Variants in PHF24 observed in about 807,000 individuals in gnomAD.
PHF24 encodes Galpha inhibitory interacting protein.
Under a neutral mutation model 42.6 loss-of-function variants are expected in PHF24, and 25 were observed. The observed-to-expected ratio is 0.59, with a 90% CI of 0.43 to 0.82. PHF24 has a LOEUF of 0.82. Ranked by LOEUF, PHF24 falls within the 40% of genes least tolerant of loss-of-function variation. The pLI, the probability that PHF24 is intolerant of heterozygous loss-of-function variation, is 0.00. For synonymous variants in PHF24, 185 were observed against 204.8 expected (o/e 0.90, Z 0.83); for missense variants, 470 against 538.1 (o/e 0.87, Z 1.25).
At chr9:34,947,191 T>C in the PHF24 span, among the ~76,000 whole-genome samples, 1 of 152,262 alleles carries the variant, frequency 6.6e-6, no homozygotes, top group African/African-American at 2.4e-5. Flanking sequence ...ATATGACAAG[T>C]AATTTCAACA....
At chr9:34,697,481 G>A in the PHF24 span, among the ~76,000 whole-genome samples, 3 of 152,056 alleles carry the variant, frequency 2.0e-5, no homozygotes, top group East Asian at 3.9e-4. Context: ...CATCATGCCC[G>A]GCTGACTTTT....
At chr9:34,734,904 A>C in the PHF24 span, among the ~76,000 whole-genome samples, 1 of 152,242 alleles carries the variant, frequency 6.6e-6, no homozygotes, top group Non-Finnish European at 1.5e-5. Flanking sequence ...AACCTCTGGC[A>C]AACCAGCCTC....
At chr9:34,864,206 A>G in the PHF24 span, among the ~76,000 whole-genome samples, 18 of 152,348 alleles carry the variant, frequency 1.2e-4, no homozygotes, top group African/African-American at 4.1e-4. Flanking sequence ...GAAAAGATAG[A>G]GAAAGAGATA....
chr9:34,864,544 G>A, the PHF24 span, among the ~76,000 whole-genome samples: 1 of 152,002 alleles, frequency 6.6e-6, no homozygotes, highest in Admixed American at 6.6e-5. Flanking sequence ...TAGAATAGCT[G>A]GTGAAAATAT....
chr9:34,707,008 A>T, the PHF24 span, among the ~76,000 whole-genome samples: 1 of 152,008 alleles, frequency 6.6e-6, no homozygotes, highest in African/African-American at 2.4e-5. Flanking sequence ...GTAAACTTGT[A>T]AACTTGGGGA....
the PHF24 span, chr9:34,838,273 T>TA: frequency 3.0e-6 from 2 of 672,244 alleles, no homozygotes; most frequent in South Asian, 3.3e-5. Context: ...GTGGGGTCAA[T>TA]AAGGAAGGAC....
chr9:34,813,273 A>G, the PHF24 span, among the ~76,000 whole-genome samples: 51 of 152,260 alleles, frequency 3.3e-4, no homozygotes, highest in Middle Eastern at 3.4e-3. Flanking sequence ...GTGCTGTTCA[A>G]ATTCCATGCT....
chr9:34,976,727 A>T, exon 5 of PHF24: 1 of 1,613,562 alleles, frequency 6.2e-7, no homozygotes, highest in Non-Finnish European at 8.5e-7. Flanking sequence ...CTTCTGCAGC[A>T]GTTGCGTCCC....
the PHF24 span, among the ~76,000 whole-genome samples, chr9:34,768,299 A>G: frequency 3.3e-5 from 5 of 152,362 alleles, no homozygotes; most frequent in African/African-American, 9.6e-5. Flanking sequence ...GGCCAAAACC[A>G]CAGACTACGG....
At chr9:34,875,840 C>T in the PHF24 span, among the ~76,000 whole-genome samples, 3 of 150,376 alleles carry the variant, frequency 2.0e-5, no homozygotes, top group African/African-American at 4.9e-5. Context: ...TGGGGCCTAT[C>T]GACCCAGCCT....
At chr9:34,807,621 TGAGA>T in the PHF24 span, among the ~76,000 whole-genome samples, 7 of 152,208 alleles carry the variant, frequency 4.6e-5, no homozygotes, top group African/African-American at 1.7e-4. Flanking sequence ...TAATAACCAC[TGAGA>T]GAGTCTTTAG....
chr9:34,959,776 G>A (rs1366654009), intron 1 of PHF24, among the ~76,000 whole-genome samples: 1 of 152,126 alleles, frequency 6.6e-6, no homozygotes, highest in Non-Finnish European at 1.5e-5. Flanking sequence ...GCTTTCTCTG[G>A]GGATCTAGGG....
At chr9:34,964,376 A>G (rs1826697103) in intron 1 of PHF24, among the ~76,000 whole-genome samples, 1 of 152,160 alleles carries the variant, frequency 6.6e-6, no homozygotes, top group Non-Finnish European at 1.5e-5. Context: ...AGACCCTAGA[A>G]CCACCCTCCA....
the PHF24 span, among the ~76,000 whole-genome samples, chr9:34,913,948 G>A: frequency 0.18 from 27,149 of 152,124 alleles, 2,882 homozygotes; most frequent in East Asian, 0.49. Flanking sequence ...AGATTTAGGT[G>A]TCTATTCTTA....
At chr9:34,709,534 C>G in the PHF24 span, 2 of 1,614,156 alleles carry the variant, frequency 1.2e-6, no homozygotes, top group South Asian at 2.2e-5. Flanking sequence ...CCTTTCTTGC[C>G]AGTCTTGGAG....
chr9:34,683,276 G>T, the PHF24 span, among the ~76,000 whole-genome samples: 1 of 152,344 alleles, frequency 6.6e-6, no homozygotes, highest in East Asian at 1.9e-4. Context: ...GGCCAAGCTG[G>T]TCTCGAACTC....
chr9:34,779,556 A>G, the PHF24 span, among the ~76,000 whole-genome samples: 14 of 152,178 alleles, frequency 9.2e-5, no homozygotes, highest in East Asian at 2.7e-3. Flanking sequence ...AATGGCCAAA[A>G]CAATCTTGAA....
the PHF24 span, among the ~76,000 whole-genome samples, chr9:34,888,127 C>T: frequency 6.6e-6 from 1 of 152,172 alleles, no homozygotes; most frequent in Non-Finnish European, 1.5e-5. Context: ...TCCCTACCTC[C>T]TTCCCAACTA....
upstream of PHF24, among the ~76,000 whole-genome samples, chr9:34,956,705 G>A (rs964100130): frequency 1.3e-5 from 2 of 152,292 alleles, no homozygotes; most frequent in African/African-American, 4.8e-5. Context: ...TGAAACTGTC[G>A]GTATGATGTA....
Sources: allele counts gnomAD v4.1 joint callset (sites outside exome capture counted in the v4.1 genomes callset), GRCh38; gene constraint gnomAD v4.1.1; transcripts MANE v1.5; gene names NCBI Gene and HGNC (gene_info 2026-07-23, HGNC 2026-07-21).